DENND4B: variants seen among roughly 807,000 people sequenced by gnomAD.
DENND4B encodes DENN domain-containing protein 4B.
In DENND4B, 67 loss-of-function variants were observed where a neutral mutation model predicts 161.0. The observed-to-expected ratio is 0.42, with a 90% CI of 0.34 to 0.51. The LOEUF (loss-of-function observed/expected upper bound fraction) is 0.51. Ranked by LOEUF, DENND4B falls within the 20% of genes least tolerant of loss-of-function variation. The pLI is 0.08. For synonymous variants in DENND4B, 753 were observed against 813.8 expected (o/e 0.93, Z 1.27); for missense variants, 1,481 against 1,968.0 (o/e 0.75, Z 4.68).
rs1054311391 is a variant in DENND4B at position 153,944,745 on chromosome 1, G to A, written c.-23-348C>T. ...AATCTTTTTTGTAATAGCCTTCCAT[G>A]ACATCATTCATGCTGGCCATGACAT... is the stretch of plus-strand genomic sequence containing the variant. On this transcript the variant is annotated intron_variant, in intron 1 of 27. Transcript: ENST00000361217. The surrounding 1 kb of genome is among the most constrained non-coding windows in gnomAD (Gnocchi z 4.8). Among the ~76,000 whole-genome samples the A allele has an allele frequency of 3.3e-5, 5 of 152,134 alleles. No homozygotes were observed. The highest frequency in any genetic ancestry group is 1.2e-4 in the African/African-American group (5 of 41,416).
Position 153,940,221 on chromosome 1 carries a change from AG to A in DENND4B, c.1537del (p.Leu513CysfsTer13). 1 of 1,602,998 alleles carries A rather than the reference AG, an allele frequency of 6.2e-7. No homozygotes were observed. The highest frequency in any genetic ancestry group is 1.1e-5 in the South Asian group (1 of 89,512). ...CAGAACCTTGTAGGGTCTGCGGGGCAGGGTCCGAGGGGAGAGGAGCTTCTTT... is the reference window on the plus strand; with the variant it reads ...CAGAACCTTGTAGGGTCTGCGGGGCAGGTCCGAGGGGAGAGGAGCTTCTTT... Reference protein sequence around the residue: ...EEKKLLSPRTLPRRPYKVLLA... With the variant: ...EEKKLLSPRTXPRRPYKVLLA... On this transcript the variant is annotated frameshift_variant, in exon 11 of 28. Coordinates refer to ENST00000361217, the MANE Select transcript of DENND4B (RefSeq NM_014856.3). LOFTEE classifies it high-confidence loss of function. This position sits in a 1 kb window ranked among gnomAD's most constrained non-coding sequence, Gnocchi z 5.6.
Position 153,943,006 on chromosome 1 carries a change from G to C in DENND4B, c.442C>G (p.Arg148Gly). The change falls in exon 3 of 28, where the codon CGG becomes GGG. Residue 148 changes from arginine (R) to glycine (G), a missense_variant. By Grantham distance (125) the Arg-to-Gly change is moderately radical. Transcript: ENST00000361217. ...AGCCCTGCCCCCTCTGCTGCCCGCC[G>C]GTAAGTGAGGTAGGTGCGGGGGTGC... ...PGHPRTYLTY[R>G]RAAEGAGLHA... 1.2e-6 allele frequency: 2 copies of C among 1,614,010 alleles called. No homozygotes were observed. The highest frequency in any genetic ancestry group is 1.7e-6 in the Non-Finnish European group (2 of 1,179,888).
Position 153,946,307 on chromosome 1 carries a change from C to T in DENND4B, c.-30G>A, listed in dbSNP as rs1411413985. 8.4e-6 allele frequency: 3 copies of T among 357,412 alleles called. No homozygotes were observed. The highest frequency in any genetic ancestry group is 7.2e-4 in the Middle Eastern group (1 of 1,394). The allele number at this position is 357,412 out of a possible 1,614,324, so 22.1% of individuals were successfully genotyped here. A position where few individuals can be genotyped will look rare whatever the true frequency, so the allele number is the denominator to read the frequency against. ...CGGTCCAGCCCCTACCTGCCTGTCC[C>T]GCGCTTCCCGGCCGGCCGGCCCGCT... On this transcript the variant is annotated 5_prime_UTR_variant, in exon 1 of 28. Transcript: ENST00000361217. The surrounding 1 kb of genome is among the most constrained non-coding windows in gnomAD (Gnocchi z 6.3).
chr1:153,943,526 A>T (rs1254842220), intron 2 of DENND4B, among the ~76,000 whole-genome samples: 1 of 151,998 alleles, frequency 6.6e-6, no homozygotes, highest in Admixed American at 6.5e-5. Context: ...AAAAATTCAA[A>T]AATTAGCTGG....
In DENND4B at chr1:153,942,801, G is replaced by A; in HGVS notation, c.570+77C>T. 6.6e-7 allele frequency: 1 copy of A among 1,521,974 alleles called. No homozygotes were observed. 94.3% of individuals were successfully genotyped at this position (1,521,974 alleles called of 1,614,324 possible). On this transcript the variant is annotated intron_variant, in intron 3 of 27. Transcript: ENST00000361217. The surrounding 1 kb of genome is among the most constrained non-coding windows in gnomAD (Gnocchi z 6.9). ...CCCCTGTGGTCAGAGCCTTGGTCCT[G>A]GGATGCCCTTTGTTCCCAGTGTCCA... is the stretch of plus-strand genomic sequence containing the variant.
Position 153,936,460 on chromosome 1 carries a change from C to A in DENND4B, c.2439+82G>T. On this transcript the variant is annotated intron_variant, in intron 16 of 27. Transcript: ENST00000361217. This position sits in a 1 kb window ranked among gnomAD's most constrained non-coding sequence, Gnocchi z 4.1. ...CTGCAACTTCTTTCCTTAGTCTCCA[C>A]CAAGTTTCCCTCTCACAGCCCTCTC... 1 of 1,421,982 alleles carries A rather than the reference C, an allele frequency of 7.0e-7. No individual in the cohort carries two copies. The highest frequency in any genetic ancestry group is 9.4e-7 in the Non-Finnish European group (1 of 1,064,344). The allele number at this position is 1,421,982 out of a possible 1,614,324, so 88.1% of individuals were successfully genotyped here.
At chr1:153,939,108 C>G in intron 12 of DENND4B, 63 bp from the exon 13 acceptor site, 1 of 1,572,578 alleles carries the variant, frequency 6.4e-7, no homozygotes, top group Non-Finnish European at 8.6e-7. Context: ...ACAGCCATAG[C>G]TTTTTTGAAT....
chr1:153,939,631 A>G lies in DENND4B; in HGVS notation c.1777T>C (p.Ser593Pro), dbSNP rs1410147437. 6.2e-7 allele frequency: 1 copy of G among 1,612,658 alleles called. No homozygotes were observed. The change falls in exon 12 of 28, where the codon TCC (serine) becomes CCC (proline). Residue 593 changes from serine to proline, a missense_variant. By Grantham distance (74) the Ser-to-Pro change is moderately conservative (BLOSUM62 -1). Coordinates refer to ENST00000361217, the MANE Select transcript of DENND4B (RefSeq NM_014856.3). ...VFLRPLTQAP[S>P]EGARDVDNLF... Reference sequence around the variant, plus strand: ...TTGTCAACATCACGAGCTCCCTCGGAGGGGGCCTGGGTGAGTGGGCGCAGG... The same window carrying G: ...TTGTCAACATCACGAGCTCCCTCGGGGGGGGCCTGGGTGAGTGGGCGCAGG...
Position 153,934,075 on chromosome 1 carries a change from ACTAGCAAGTGG to A in DENND4B, c.2941+49_2941+59del. The A allele has an allele frequency of 6.7e-7, 1 of 1,485,746 alleles. No individual in the cohort carries two copies. The highest frequency in any genetic ancestry group is 8.9e-7 in the Non-Finnish European group (1 of 1,121,328). 92.0% of individuals were successfully genotyped at this position (1,485,746 alleles called of 1,614,324 possible). A position where few individuals can be genotyped will look rare whatever the true frequency, so the allele number is the denominator to read the frequency against. ...CTCTGTTTCTGGTCTTCCCCACCTC[ACTAGCAAGTGG>A]TTAGGAAAGCTGACTGGGGGAGTGA... On this transcript the variant is annotated intron_variant, in intron 19 of 27. Transcript: ENST00000361217. The surrounding 1 kb of genome is among the most constrained non-coding windows in gnomAD (Gnocchi z 5.3).
At position 153,945,119 on chromosome 1, in the gene DENND4B, A is replaced by G. The variant is rs1036893403; in HGVS notation, c.-23-722T>C. Reference sequence around the variant, plus strand: ...GCCCAGAGACAGAAACAGGCCCACAACAGCCTAGTTCTCACCTGCCTCCAT... The same window carrying G: ...GCCCAGAGACAGAAACAGGCCCACAGCAGCCTAGTTCTCACCTGCCTCCAT... On this transcript the variant is annotated intron_variant, in intron 1 of 27. Coordinates refer to ENST00000361217, the MANE Select transcript of DENND4B (RefSeq NM_014856.3). 3.3e-5 allele frequency: 43 copies of G among 1,289,368 alleles called. 1 individual carries two copies. In the African/African-American group the frequency reaches 4.7e-4, roughly 14 times the overall value. The allele number at this position is 1,289,368 out of a possible 1,614,324, so 79.9% of individuals were successfully genotyped here.
chr1:153,933,944 C>A lies in DENND4B; in HGVS notation c.2942-73G>T. ...CAACTTCCCCTTTCCTGAATAAACA[C>A]AATTCCTGGCTGCACAAACTCTGGT... On this transcript the variant is annotated intron_variant, in intron 19 of 27. Transcript: ENST00000361217. This position sits in a 1 kb window ranked among gnomAD's most constrained non-coding sequence, Gnocchi z 5.7. 6.4e-7 allele frequency: 1 copy of A among 1,561,742 alleles called. No homozygotes were observed.
At position 153,937,675 on chromosome 1, in the gene DENND4B, G is replaced by C; in HGVS notation, c.2105+49C>G. 6.2e-7 allele frequency: 1 copy of C among 1,613,552 alleles called. No individual in the cohort carries two copies. The highest frequency in any genetic ancestry group is 8.5e-7 in the Non-Finnish European group (1 of 1,179,536). On this transcript the variant is annotated intron_variant, in intron 14 of 27. Coordinates refer to ENST00000361217, the MANE Select transcript of DENND4B (RefSeq NM_014856.3). The surrounding 1 kb of genome is among the most constrained non-coding windows in gnomAD (Gnocchi z 4.7). ...AGCACAGGGCGAAGCGAGTTGGACT[G>C]GACCAGTCTATGGGACCCTGGAACA...
chr1:153,932,867 C>T lies in DENND4B; in HGVS notation c.3617G>A (p.Arg1206Gln), dbSNP rs375597225. 1.2e-5 allele frequency: 19 copies of T among 1,613,770 alleles called. No homozygotes were observed. The highest frequency in any genetic ancestry group is 5.5e-5 in the South Asian group (5 of 91,086). Residue 1206 changes from arginine to glutamine, a missense_variant, in exon 22 of 28, where the codon CGG becomes CAG. Arg to Gln is a conservative substitution (Grantham distance 43). Transcript: ENST00000361217. The surrounding 1 kb of genome is among the most constrained non-coding windows in gnomAD (Gnocchi z 5.8). Reference protein sequence around the residue: ...PLLSVQTLDSRPSVPSPKSAG... With the variant: ...PLLSVQTLDSQPSVPSPKSAG... ...CTTGCCCTGCCTTGGGCACCTGGGCCGGGAATCAAGGGTCTGGACACTGAG... is the reference window on the plus strand; with the variant it reads ...CTTGCCCTGCCTTGGGCACCTGGGCTGGGAATCAAGGGTCTGGACACTGAG...
chr1:153,940,541 C>G lies in DENND4B; in HGVS notation c.1392G>C (p.Val464=). Residue 464 remains valine, a synonymous_variant, in exon 10 of 28, where the codon GTG becomes GTC. Transcript: ENST00000361217. The surrounding 1 kb of genome is among the most constrained non-coding windows in gnomAD (Gnocchi z 5.6). The part of the protein sequence containing the change: ...IPLCPLVLAD[V]LSAPVPFIVG... ...CAATGAAGGGCACTGGGGCACTCAG[C>G]ACATCTGCCAGCACCAGCGGGCACA... 6.2e-7 allele frequency: 1 copy of G among 1,613,594 alleles called. No homozygotes were observed. The highest frequency in any genetic ancestry group is 1.3e-5 in the African/African-American group (1 of 75,022).
Position 153,932,695 on chromosome 1 carries a change from G to GATGT in DENND4B, c.3705_3706insACAT (p.Arg1236ThrfsTer10). 6.2e-7 allele frequency: 1 copy of GATGT among 1,614,058 alleles called. No homozygotes were observed. Among genetic ancestry groups the GATGT allele is most frequent in the Non-Finnish European group, 8.5e-7 (1 of 1,179,902 alleles). ...TCATCCAGAGCAAGGCAGAGCCTTCGGTCACTGAGCACAGGGCCAGGACCA... is the reference window on the plus strand; with the variant it reads ...TCATCCAGAGCAAGGCAGAGCCTTCGATGTGTCACTGAGCACAGGGCCAGGACCA... On this transcript the variant is annotated frameshift_variant, in exon 23 of 28. Coordinates refer to ENST00000361217, the MANE Select transcript of DENND4B (RefSeq NM_014856.3). LOFTEE classifies it high-confidence loss of function. The surrounding 1 kb of genome is among the most constrained non-coding windows in gnomAD (Gnocchi z 5.8).
rs1054270645 is a variant in DENND4B, at chr1:153,944,077, G to C, written c.298C>G (p.Pro100Ala). 5.1e-6 allele frequency: 8 copies of C among 1,576,140 alleles called. No homozygotes were observed. The highest frequency in any genetic ancestry group is 6.9e-6 in the Non-Finnish European group (8 of 1,158,242). The stretch of plus-strand genomic sequence containing the variant: ...ACACACCCCAGCTCAACGAGGGGGG[G>C]CTTGTCACGGCCCCTGCGGTAGCAG... ...VICYRRGRDK[P>A]PLVELGVLYE... is the part of the protein sequence containing the mutation. The change falls in exon 2 of 28, where the codon CCC (proline) becomes GCC (alanine). Residue 100 changes from proline to alanine, a missense_variant. By Grantham distance (27) the Pro-to-Ala change is conservative. This residue lies in a region of DENND4B where 806 missense variants were observed against 1,134.4 expected (regional missense o/e 0.71). Coordinates refer to ENST00000361217, the MANE Select transcript of DENND4B (RefSeq NM_014856.3). The surrounding 1 kb of genome is among the most constrained non-coding windows in gnomAD (Gnocchi z 4.8).
Position 153,941,377 on chromosome 1 carries a change from C to A in DENND4B, c.1119G>T (p.Val373=). The A allele has an allele frequency of 6.2e-7, 1 of 1,613,574 alleles. No individual in the cohort carries two copies. Among genetic ancestry groups the A allele is most frequent in the Non-Finnish European group, 8.5e-7 (1 of 1,179,768 alleles). Residue 373 remains valine, a synonymous_variant, in exon 7 of 28, where the codon GTG becomes GTT. Transcript: ENST00000361217. The part of the protein sequence containing the change: ...FPSPQRPRIL[V]QMSPYDNLLL... ...CGGCCCCAGCCTCAGCTCTCACCTG[C>A]ACTAGGATGCGGGGTCTCTGTGGGG...
chr1:153,945,573 C>T (rs2102081553), intron 1 of DENND4B, among the ~76,000 whole-genome samples: 1 of 152,018 alleles, frequency 6.6e-6, no homozygotes, highest in East Asian at 1.9e-4. Context: ...CACACACACA[C>T]ACGCACACAC....
At chr1:153,941,175 G>A in intron 8 of DENND4B, 56 bp downstream of exon 8, 1 of 1,604,460 alleles carries the variant, frequency 6.2e-7, no homozygotes, top group South Asian at 1.1e-5. Context: ...CACCTGCCCA[G>A]CACCTACCAT....
Sources: gnomAD v4.1 joint callset for allele counts (sites outside exome capture counted in the v4.1 genomes callset) on GRCh38, gnomAD v4.1.1 for gene constraint, gnomAD v4.1.1 regional missense constraint, Gnocchi (gnomAD v3.1) non-coding constraint, MANE v1.5 for transcripts, NCBI Gene and HGNC (gene_info 2026-07-23, HGNC 2026-07-21) for gene names.